XXYLT1: variants seen among roughly 807,000 people sequenced by gnomAD.
The protein encoded by XXYLT1 is UDP-xylose:alpha-xyloside alpha-1,3-xylosyltransferase.
A neutral mutation model predicts 28.9 loss-of-function variants in XXYLT1; 20 were observed. The observed-to-expected ratio is 0.69, with a 90% CI of 0.49 to 1.00. The LOEUF (loss-of-function observed/expected upper bound fraction) is 1.00, where lower values mean the gene tolerates loss of function less well. Among genes scored for constraint, XXYLT1 ranks in the 50% least tolerant of loss-of-function variants. The pLI is 0.00. For missense variants in XXYLT1, 542 were observed against 560.1 expected (o/e 0.97, Z 0.33); for synonymous variants, 257 against 253.8 (o/e 1.01, Z -0.12).
Position 195,120,943 on chromosome 3 carries a change from T to A in XXYLT1, c.785+35506A>T, listed in dbSNP as rs531425800. 1.1e-4 allele frequency among the ~76,000 whole-genome samples: 17 copies of A among 152,316 alleles called. No individual in the cohort carries two copies. The South Asian group carries it at 1.2e-3, about 11-fold the overall frequency. ...AACCCTCACCTGCAAATCAGGCTCG[T>A]GGTGTTCCCCTACCTCCCTGGGGCT... On this transcript the variant is annotated intron_variant, in intron 3 of 3. Transcript: ENST00000310380.
chr3:195,075,004 C>G (rs1393875285), intron 3 of XXYLT1, among the ~76,000 whole-genome samples: 1 of 152,194 alleles, frequency 6.6e-6, no homozygotes, highest in Non-Finnish European at 1.5e-5. Context: ...GTAATCCCAG[C>G]ACTTTGGGAG....
chr3:195,234,746 T>A (rs1175156261), intron 1 of XXYLT1, among the ~76,000 whole-genome samples: 1 of 152,218 alleles, frequency 6.6e-6, no homozygotes, highest in Non-Finnish European at 1.5e-5. Flanking sequence ...ACTGGAGCTC[T>A]ATTTTATGTC....
At chr3:195,142,178 G>A (rs924345171) in intron 3 of XXYLT1, among the ~76,000 whole-genome samples, 7 of 152,182 alleles carry the variant, frequency 4.6e-5, no homozygotes, top group Admixed American at 1.3e-4. Flanking sequence ...GTTTGCTGGT[G>A]TCTCCCGAGG....
In XXYLT1 at chr3:195,210,898, C is replaced by T. The variant is rs535787601; in HGVS notation, c.652+15811G>A. On this transcript the variant is annotated intron_variant, in intron 2 of 3. Transcript: ENST00000310380. This position sits in a 1 kb window ranked among gnomAD's most constrained non-coding sequence, Gnocchi z 4.8. ...CACCAAGAACCCCTGCTCCTCCCCC[C>T]AGCTGAACGCTGACAGTCAAGGGCA... 7.9e-5 allele frequency among the ~76,000 whole-genome samples: 12 copies of T among 152,194 alleles called. No individual in the cohort carries two copies. The highest frequency in any genetic ancestry group is 1.0e-4 in the Non-Finnish European group (7 of 68,024).
rs755706524 is a variant in XXYLT1 at position 195,070,162 on chromosome 3, C to G, written c.786-51G>C. ...TCCGGTGTGCAGGGGAACCAGCCTG[C>G]CGGCCTGCTGCCCTGGGTCTTCACA... On this transcript the variant is annotated intron_variant, in intron 3 of 3. Coordinates refer to ENST00000310380, the MANE Select transcript of XXYLT1 (RefSeq NM_152531.5). 76 of 1,500,428 alleles carry G rather than the reference C, an allele frequency of 5.1e-5. No homozygotes were observed. The African/African-American group carries it at 1.0e-3, about 20-fold the overall frequency. 92.9% of individuals were successfully genotyped at this position (1,500,428 alleles called of 1,614,324 possible).
intron 2 of XXYLT1, among the ~76,000 whole-genome samples, chr3:195,178,265 G>A (rs922218801): frequency 6.6e-6 from 1 of 152,014 alleles, no homozygotes; most frequent in Non-Finnish European, 1.5e-5. Flanking sequence ...AACCATGTAA[G>A]CCCCTGCCCA....
rs1333781966 is a variant in XXYLT1, at chr3:195,256,226, A to C, written c.504+14329T>G. Among the ~76,000 whole-genome samples, 1 of 152,194 alleles carries C rather than the reference A, an allele frequency of 6.6e-6. No homozygotes were observed. The highest frequency in any genetic ancestry group is 1.5e-5 in the Non-Finnish European group (1 of 68,020). ...AAGCTCATCTGTGCAGCCTCTTCCT[A>C]GGGGAGACTAGCTACCCCTCACAGG... is the stretch of plus-strand genomic sequence containing the variant. On this transcript the variant is annotated intron_variant, in intron 1 of 3. Coordinates refer to ENST00000310380, the MANE Select transcript of XXYLT1 (RefSeq NM_152531.5). The surrounding 1 kb of genome is among the most constrained non-coding windows in gnomAD (Gnocchi z 4.2).
intron 3 of XXYLT1, among the ~76,000 whole-genome samples, chr3:195,131,170 C>T (rs897450212): frequency 6.6e-6 from 1 of 152,238 alleles, no homozygotes; most frequent in Non-Finnish European, 1.5e-5. Flanking sequence ...CGCTTTGTCA[C>T]AGGCATCCTC....
rs1030261637 is a variant in XXYLT1 at position 195,226,650 on chromosome 3, G to A, written c.652+59C>T. The A allele has an allele frequency of 2.5e-5, 39 of 1,582,320 alleles. No individual in the cohort carries two copies. In the Middle Eastern group the frequency reaches 1.2e-3, roughly 48 times the overall value. On this transcript the variant is annotated intron_variant, in intron 2 of 3. Transcript: ENST00000310380. ...CAGGGCCTGGGCAGTGTTGGAACCA[G>A]GGAAATGGATGCAAAAGTCAGACAC...
rs1202804932 is a variant in XXYLT1, at chr3:195,143,825, T to TATATAG, written c.785+12618_785+12623dup. 6.4e-5 allele frequency among the ~76,000 whole-genome samples: 6 copies of TATATAG among 93,860 alleles called. 1 individual carries two copies. Among genetic ancestry groups the TATATAG allele is most frequent in the Admixed American group, 1.1e-4 (1 of 9,042 alleles). The allele number at this position is 93,860 out of a possible 152,430, so 61.6% of individuals were successfully genotyped here. ...AGATAGATATATATAGATATAGATA[T>TATATAG]ATATAGATATAGATATAGATATATA... On this transcript the variant is annotated intron_variant, in intron 3 of 3. Coordinates refer to ENST00000310380, the MANE Select transcript of XXYLT1 (RefSeq NM_152531.5).
intron 2 of XXYLT1, among the ~76,000 whole-genome samples, chr3:195,213,295 G>A (rs1279877065): frequency 2.1e-5 from 3 of 140,710 alleles, no homozygotes; most frequent in Non-Finnish European, 3.0e-5. Context: ...ACGGAGCTTC[G>A]CTCTTGTTGC....
At chr3:195,187,309 C>T (rs1164159974) in intron 2 of XXYLT1, among the ~76,000 whole-genome samples, 1 of 151,976 alleles carries the variant, frequency 6.6e-6, no homozygotes, top group African/African-American at 2.4e-5. Context: ...GTGATCCACC[C>T]GCCTTGGCCT....
At chr3:195,252,713 C>G (rs1725306430) in intron 1 of XXYLT1, among the ~76,000 whole-genome samples, 2 of 141,524 alleles carry the variant, frequency 1.4e-5, no homozygotes, top group African/African-American at 6.1e-5. Context: ...CACACACACA[C>G]ACACACACAC....
At chr3:195,242,174 C>T (rs987833707) in intron 1 of XXYLT1, among the ~76,000 whole-genome samples, 1 of 152,174 alleles carries the variant, frequency 6.6e-6, no homozygotes, top group Non-Finnish European at 1.5e-5. Context: ...TGCCCCGTGG[C>T]CCCGCAGCAC....
chr3:195,235,951 CAT>C (rs1179440700), intron 1 of XXYLT1, among the ~76,000 whole-genome samples: 5 of 137,538 alleles, frequency 3.6e-5, no homozygotes, highest in Non-Finnish European at 6.4e-5. Flanking sequence ...TAGACATAGA[CAT>C]AGAGATATAC....
At chr3:195,231,372 C>A (rs1184913011) in intron 1 of XXYLT1, among the ~76,000 whole-genome samples, 3 of 151,980 alleles carry the variant, frequency 2.0e-5, no homozygotes, top group African/African-American at 4.8e-5. Flanking sequence ...TTTGGATAGG[C>A]TTTATGTCGT....
At chr3:195,118,850 C>T (rs1048816052) in intron 3 of XXYLT1, among the ~76,000 whole-genome samples, 1 of 152,180 alleles carries the variant, frequency 6.6e-6, no homozygotes, top group Non-Finnish European at 1.5e-5. Context: ...AGTAAACTTT[C>T]GAAACGTAGT....
chr3:195,180,035 C>T lies in XXYLT1; in HGVS notation c.653-23454G>A, dbSNP rs9879463. 7.9e-5 allele frequency among the ~76,000 whole-genome samples: 12 copies of T among 152,106 alleles called. No individual in the cohort carries two copies. The South Asian group carries it at 1.0e-3, about 13-fold the overall frequency. ...CTGCAGGCAGAGTCGGGCCAGGGTG[C>T]GGCTGAGTGACGGAGCGCCTGGTGA... is the stretch of plus-strand genomic sequence containing the variant. On this transcript the variant is annotated intron_variant, in intron 2 of 3. Transcript: ENST00000310380. The surrounding 1 kb of genome is among the most constrained non-coding windows in gnomAD (Gnocchi z 5.8).
At chr3:195,224,029 G>T (rs893724667) in intron 2 of XXYLT1, among the ~76,000 whole-genome samples, 1 of 152,162 alleles carries the variant, frequency 6.6e-6, no homozygotes, top group South Asian at 2.1e-4. Flanking sequence ...GGTGGCACAT[G>T]CCTGTAATCC....
Sources: gnomAD v4.1 joint callset for allele counts (sites outside exome capture counted in the v4.1 genomes callset) on GRCh38, gnomAD v4.1.1 for gene constraint, Gnocchi (gnomAD v3.1) non-coding constraint, MANE v1.5 for transcripts, NCBI Gene and HGNC (gene_info 2026-07-23, HGNC 2026-07-21) for gene names.